The following RNGTT variants were observed in gnomAD, a reference collection of about 807,000 sequenced individuals.
RNGTT encodes RNA guanylyltransferase and 5'-phosphatase.
RNGTT carries 33 observed loss-of-function variants against 79.3 expected under a neutral mutation model. The observed-to-expected ratio is 0.42, with a 90% CI of 0.32 to 0.56. The LOEUF (loss-of-function observed/expected upper bound fraction) is 0.56. Among genes scored for constraint, RNGTT ranks in the 20% least tolerant of loss-of-function variants. RNGTT has a pLI of 0.17. For missense variants in RNGTT, 497 were observed against 739.1 expected, an observed-to-expected ratio of 0.67 and a Z score of 3.80; for synonymous variants, 222 against 235.9, an observed-to-expected ratio of 0.94 and a Z score of 0.54.
rs192317312 is a variant in RNGTT, at chr6:88,907,172, T to C, written c.368-732A>G. On this transcript the variant is annotated intron_variant, in intron 4 of 15. Coordinates refer to ENST00000369485, the MANE Select transcript of RNGTT (RefSeq NM_003800.5). ...TTCTTAAACTCTTTCTCAGAACATA[T>C]TCAAGATCATTTTAACTACTGATAT... is the stretch of plus-strand genomic sequence containing the variant. Among the ~76,000 whole-genome samples the C allele has an allele frequency of 2.2e-3, 334 of 152,314 alleles. 5 individuals are homozygous for C. Among genetic ancestry groups the C allele is most frequent in the Non-Finnish European group, 1.0e-3 (68 of 68,026 alleles).
At chr6:88,783,243 G>A (rs1479500389) in intron 12 of RNGTT, among the ~76,000 whole-genome samples, 2 of 152,112 alleles carry the variant, frequency 1.3e-5, no homozygotes, top group Admixed American at 6.6e-5. Flanking sequence ...TGCCATTTGT[G>A]GTAACGTGGA....
intron 8 of RNGTT, among the ~76,000 whole-genome samples, chr6:88,867,646 A>C (rs762082483): frequency 6.6e-6 from 1 of 152,186 alleles, no homozygotes; most frequent in Non-Finnish European, 1.5e-5. Context: ...TTAGCTATAG[A>C]AATGTGCTTG....
chr6:88,633,310 T>C (rs1455951470), intron 14 of RNGTT, among the ~76,000 whole-genome samples: 1 of 151,958 alleles, frequency 6.6e-6, no homozygotes, highest in Non-Finnish European at 1.5e-5. Context: ...ATTATAGAAA[T>C]GACATCAGAT....
rs9451087 is a variant in RNGTT, at chr6:88,787,626, T to C, written c.1338+13938A>G. 7.8e-3 allele frequency among the ~76,000 whole-genome samples: 1,172 copies of C among 151,212 alleles called. 8 individuals are homozygous for C. Among genetic ancestry groups the C allele is most frequent in the African/African-American group, 0.026 (1,087 of 41,148 alleles). ...GTGAGCCCAGATCGCGTCACTGCACTCCAGCCTGGGCAACAAGAGTGAAAC... is the reference window on the plus strand; with the variant it reads ...GTGAGCCCAGATCGCGTCACTGCACCCCAGCCTGGGCAACAAGAGTGAAAC... On this transcript the variant is annotated intron_variant, in intron 12 of 15. Transcript: ENST00000369485.
At chr6:88,653,732 C>A (rs1423470349) in intron 14 of RNGTT, among the ~76,000 whole-genome samples, 2 of 151,970 alleles carry the variant, frequency 1.3e-5, no homozygotes, top group African/African-American at 2.4e-5. Context: ...CAACAGAAAA[C>A]AAAAAACAAA....
chr6:88,868,949 T>C (rs958986220), intron 8 of RNGTT, among the ~76,000 whole-genome samples: 8 of 152,142 alleles, frequency 5.3e-5, no homozygotes, highest in African/African-American at 1.9e-4. Context: ...TTGAAATAAA[T>C]TTACTTTTAA....
intron 14 of RNGTT, among the ~76,000 whole-genome samples, chr6:88,640,518 G>A (rs1773269839): frequency 6.9e-6 from 1 of 145,984 alleles, no homozygotes; most frequent in Admixed American, 7.0e-5. Context: ...CTGCACTCCA[G>A]CCTGGGTGAC....
intron 14 of RNGTT, among the ~76,000 whole-genome samples, chr6:88,629,035 G>A (rs757847519): frequency 7.9e-5 from 12 of 152,094 alleles, no homozygotes; most frequent in Non-Finnish European, 1.8e-4. Context: ...AAAACCATGA[G>A]CCTCAAGTGC....
chr6:88,740,325 A>G (rs1236695009), intron 13 of RNGTT, among the ~76,000 whole-genome samples: 1 of 151,930 alleles, frequency 6.6e-6, no homozygotes, highest in African/African-American at 2.4e-5. Flanking sequence ...TGAGACCAGC[A>G]TGGACAACAT....
rs143362560 is a variant in RNGTT, at chr6:88,824,001, G to A, written c.1269+20356C>T. Reference sequence around the variant, plus strand: ...ATCATAGAAAATTAGCAGCAAGGTGGGCAGGAACTAGATCATACAGGTATA... The same window carrying A: ...ATCATAGAAAATTAGCAGCAAGGTGAGCAGGAACTAGATCATACAGGTATA... On this transcript the variant is annotated intron_variant, in intron 11 of 15. Coordinates refer to ENST00000369485, the MANE Select transcript of RNGTT (RefSeq NM_003800.5). Among the ~76,000 whole-genome samples the A allele has an allele frequency of 4.6e-4, 70 of 152,052 alleles. No individual in the cohort carries two copies. In the East Asian group the frequency reaches 0.013, roughly 29 times the overall value.
intron 4 of RNGTT, among the ~76,000 whole-genome samples, chr6:88,912,161 G>A (rs1783848278): frequency 6.6e-6 from 1 of 151,762 alleles, no homozygotes; most frequent in Admixed American, 6.6e-5. Context: ...CCAGCATTTT[G>A]GGAGGCCAAG....
At chr6:88,916,555 G>T (rs1582127298) in intron 4 of RNGTT, among the ~76,000 whole-genome samples, 2 of 152,216 alleles carry the variant, frequency 1.3e-5, no homozygotes, top group South Asian at 2.1e-4. Context: ...TGTTTTTTTA[G>T]CTAGATGCTA....
At chr6:88,867,499 G>A (rs1295643545) in intron 8 of RNGTT, among the ~76,000 whole-genome samples, 2 of 151,794 alleles carry the variant, frequency 1.3e-5, no homozygotes, top group Admixed American at 6.6e-5. Flanking sequence ...GAAAAAGAGA[G>A]AGAGAGAATG....
intron 8 of RNGTT, among the ~76,000 whole-genome samples, chr6:88,875,290 G>T (rs1782483235): frequency 6.6e-6 from 1 of 151,892 alleles, no homozygotes; most frequent in South Asian, 2.1e-4. Context: ...AAAACAGCAG[G>T]TAAGAAGATG....
At chr6:88,730,499 G>C (rs955544679) in intron 13 of RNGTT, among the ~76,000 whole-genome samples, 1 of 152,198 alleles carries the variant, frequency 6.6e-6, no homozygotes, top group African/African-American at 2.4e-5. Flanking sequence ...TTCTATAGAA[G>C]TACCTTGCCT....
At position 88,692,226 on chromosome 6, in the gene RNGTT, G is replaced by A. The variant is rs567914007; in HGVS notation, c.1440-13807C>T. Among the ~76,000 whole-genome samples, 221 of 152,098 alleles carry A rather than the reference G, an allele frequency of 1.5e-3. 1 individual carries two copies. Among genetic ancestry groups the A allele is most frequent in the Non-Finnish European group, 2.4e-3 (165 of 68,014 alleles). On this transcript the variant is annotated intron_variant, in intron 13 of 15. Coordinates refer to ENST00000369485, the MANE Select transcript of RNGTT (RefSeq NM_003800.5). ...TACTACCTGGAGCTTTCAGACCACA[G>A]TGCAAGAAAGAAGAATGCAAGCCTA...
chr6:88,833,332 C>T (rs983443210), intron 11 of RNGTT, among the ~76,000 whole-genome samples: 1 of 152,070 alleles, frequency 6.6e-6, no homozygotes, highest in South Asian at 2.1e-4. Context: ...AAACAGAAAA[C>T]CAAACACTGC....
intron 13 of RNGTT, among the ~76,000 whole-genome samples, chr6:88,731,034 C>T (rs2127819808): frequency 6.6e-6 from 1 of 152,252 alleles, no homozygotes; most frequent in African/African-American, 2.4e-5. Flanking sequence ...CCCCTCCCCT[C>T]CCTGACACCT....
intron 14 of RNGTT, among the ~76,000 whole-genome samples, chr6:88,631,713 A>T (rs1196172572): frequency 6.6e-6 from 1 of 152,086 alleles, no homozygotes; most frequent in Non-Finnish European, 1.5e-5. Flanking sequence ...TATTTCATTC[A>T]GAAGATCTGT....
Sources: allele counts gnomAD v4.1 joint callset (sites outside exome capture counted in the v4.1 genomes callset), GRCh38; gene constraint gnomAD v4.1.1; transcripts MANE v1.5; gene names NCBI Gene and HGNC (gene_info 2026-07-23, HGNC 2026-07-21).